Variants in HIVEP2 observed in about 807,000 individuals in gnomAD.
HIVEP2 encodes the protein HIVEP zinc finger 2.
HIVEP2 carries 14 observed loss-of-function variants against 180.7 expected under a neutral mutation model. The ratio of observed to expected loss-of-function variants is 0.08; its 90% CI spans 0.05 to 0.12. HIVEP2 has a LOEUF of 0.12. Among genes scored for constraint, HIVEP2 ranks in the 10% least tolerant of loss-of-function variants. The pLI is 1.00. For synonymous variants in HIVEP2, 1,184 were observed against 1,136.4 expected (o/e 1.04, Z -0.84); for missense variants, 2,579 against 3,008.5 (o/e 0.86, Z 3.34).
At chr6:142,890,002 A>G (rs1027270254) in intron 1 of HIVEP2, among the ~76,000 whole-genome samples, 1 of 152,188 alleles carries the variant, frequency 6.6e-6, no homozygotes, top group Non-Finnish European at 1.5e-5. Context: ...CCTGACATCA[A>G]TGGAGCACCC....
chr6:142,849,961 C>T (rs1775608997), intron 1 of HIVEP2, among the ~76,000 whole-genome samples: 1 of 152,136 alleles, frequency 6.6e-6, no homozygotes, highest in Admixed American at 6.5e-5. Context: ...ATCACAGAAC[C>T]AAGTGGCGAA....
chr6:142,840,212 C>T (rs1431904896), intron 1 of HIVEP2, among the ~76,000 whole-genome samples: 1 of 152,166 alleles, frequency 6.6e-6, no homozygotes, highest in Non-Finnish European at 1.5e-5. Context: ...ACGCCCAAGA[C>T]ATCTTAACTA....
intron 2 of HIVEP2, chr6:142,793,868 T>C (rs1336726924): frequency 1.3e-5 from 2 of 152,000 alleles, no homozygotes; most frequent in Admixed American, 1.3e-4. Context: ...GGTTTTGCCA[T>C]GTTGCCCAAG....
At chr6:142,876,932 G>A (rs198682) in intron 1 of HIVEP2, among the ~76,000 whole-genome samples, 1 of 152,010 alleles carries the variant, frequency 6.6e-6, no homozygotes, top group East Asian at 1.9e-4. Context: ...GCCTATAGTC[G>A]CAGCTACTCA....
chr6:142,850,541 T>C (rs1775620762), intron 1 of HIVEP2, among the ~76,000 whole-genome samples: 1 of 152,246 alleles, frequency 6.6e-6, no homozygotes, highest in Admixed American at 6.5e-5. Flanking sequence ...CTTAAATCTC[T>C]TATTGTGAAA....
intron 9 of HIVEP2, among the ~76,000 whole-genome samples, chr6:142,756,154 C>G (rs967914075): frequency 6.6e-6 from 1 of 152,142 alleles, no homozygotes; most frequent in African/African-American, 2.4e-5. Context: ...TCTATATACA[C>G]ATCTATACGC....
chr6:142,898,606 G>A (rs919270880), intron 1 of HIVEP2, among the ~76,000 whole-genome samples: 2 of 152,164 alleles, frequency 1.3e-5, no homozygotes, highest in African/African-American at 2.4e-5. Context: ...AGGTTGCAGT[G>A]AGGTCACACT....
intron 1 of HIVEP2, among the ~76,000 whole-genome samples, chr6:142,882,250 A>G (rs1776589725): frequency 6.6e-6 from 1 of 152,230 alleles, no homozygotes; most frequent in Admixed American, 6.5e-5. Context: ...AACTTGGATA[A>G]TCACTAAGAA....
In HIVEP2 at chr6:142,851,621, C is replaced by T. The variant is rs576218336; in HGVS notation, c.-640-14574G>A. Among the ~76,000 whole-genome samples, 22 of 152,336 alleles carry T rather than the reference C, an allele frequency of 1.4e-4. 1 individual carries two copies. The South Asian group carries it at 4.3e-3, about 30-fold the overall frequency. ...CTTGTCTACAGCCTCACTGTAAGTG[C>T]TGGAGAGAGTTTTTTAATCCTTTAA... On this transcript the variant is annotated intron_variant, in intron 1 of 9. Transcript: ENST00000367603.
chr6:142,888,593 C>G (rs186051084), intron 1 of HIVEP2, among the ~76,000 whole-genome samples: 1 of 152,310 alleles, frequency 6.6e-6, no homozygotes, highest in East Asian at 1.9e-4. Context: ...TGCAATGCAC[C>G]TGCAAGAGTG....
At chr6:142,934,896 C>T (rs1378393967) in intron 1 of HIVEP2, among the ~76,000 whole-genome samples, 1 of 152,128 alleles carries the variant, frequency 6.6e-6, no homozygotes, top group Non-Finnish European at 1.5e-5. Flanking sequence ...TCTTTCACAC[C>T]TAATTGATCC....
chr6:142,945,505 A>C (rs1462050388), upstream of HIVEP2, among the ~76,000 whole-genome samples: 1 of 151,740 alleles, frequency 6.6e-6, no homozygotes, highest in Non-Finnish European at 1.5e-5. The surrounding 1 kb of genome is among the most constrained non-coding windows in gnomAD (Gnocchi z 5.5). Flanking sequence ...CCGAGGAGGG[A>C]CCTAGATTCC....
At chr6:142,862,392 A>ACATATTTT (rs1776001477) in intron 1 of HIVEP2, among the ~76,000 whole-genome samples, 1 of 148,780 alleles carries the variant, frequency 6.7e-6, no homozygotes, top group Non-Finnish European at 1.5e-5. Context: ...TACATGTATT[A>ACATATTTT]CATATTTTAT....
intron 1 of HIVEP2, among the ~76,000 whole-genome samples, chr6:142,890,007 G>T (rs550142915): frequency 6.6e-6 from 1 of 152,266 alleles, no homozygotes; most frequent in South Asian, 2.1e-4. Flanking sequence ...CATCAATGGA[G>T]CACCCTTTAA....
At chr6:142,919,521 G>A (rs1021212833) in intron 1 of HIVEP2, among the ~76,000 whole-genome samples, 1 of 152,072 alleles carries the variant, frequency 6.6e-6, no homozygotes, top group African/African-American at 2.4e-5. Context: ...TCAAATGCAA[G>A]CCATTTTTTT....
At chr6:142,780,496 C>T (rs762263644) in intron 3 of HIVEP2, among the ~76,000 whole-genome samples, 6 of 152,182 alleles carry the variant, frequency 3.9e-5, no homozygotes, top group East Asian at 3.8e-4. Context: ...CATAAAATCA[C>T]GTCTCTTCTT....
chr6:142,832,666 G>A (rs1460043316), intron 2 of HIVEP2, among the ~76,000 whole-genome samples: 1 of 152,134 alleles, frequency 6.6e-6, no homozygotes, highest in African/African-American at 2.4e-5. Flanking sequence ...TCTATGTGGG[G>A]GATTTTGTCC....
intron 1 of HIVEP2, among the ~76,000 whole-genome samples, chr6:142,923,491 T>C (rs1306075614): frequency 6.6e-6 from 1 of 152,342 alleles, no homozygotes; most frequent in African/African-American, 2.4e-5. Flanking sequence ...AGAGGATATA[T>C]TGAACACTTT....
chr6:142,911,156 A>AC (rs1777393619), intron 1 of HIVEP2, among the ~76,000 whole-genome samples: 1 of 151,682 alleles, frequency 6.6e-6, no homozygotes, highest in African/African-American at 2.4e-5. Context: ...AAAAAAAAAA[A>AC]AAAACTTAAA....
Sources: allele counts gnomAD v4.1 joint callset (sites outside exome capture counted in the v4.1 genomes callset), GRCh38; gene constraint gnomAD v4.1.1; non-coding constraint Gnocchi (gnomAD v3.1); transcripts MANE v1.5; gene names NCBI Gene and HGNC (gene_info 2026-07-23, HGNC 2026-07-21).